Variants in ZNF730 observed in about 807,000 individuals in gnomAD.
The protein encoded by ZNF730 is putative zinc finger protein 730.
A neutral mutation model predicts 12.6 loss-of-function variants in ZNF730; 12 were observed. That is an observed-to-expected ratio of 0.95 (90% CI 0.61 to 1.54). The LOEUF is 1.54. Ranked by LOEUF, ZNF730 falls within the 40% of genes most tolerant of loss-of-function variation. ZNF730 has a pLI of 0.00. For missense variants in ZNF730, 643 were observed against 583.5 expected (o/e 1.10, Z -1.05); for synonymous variants, 194 against 195.8 (o/e 0.99, Z 0.08).
chr19:23,145,424 A>G lies in ZNF730; in HGVS notation c.380A>G (p.Lys127Arg), dbSNP rs770795427. Residue 127 changes from lysine to arginine, a missense_variant, in exon 4 of 4, where the codon AAA becomes AGA. Transcript: ENST00000597761. ...AATGTGGATGAGTTTAAGATGCACA[A>G]AAAAGGTTATAATAGACATAACCAG... ...CKNVDEFKMH[K>R]KGYNRHNQCL... is the part of the protein sequence containing the mutation. The G allele has an allele frequency of 1.1e-5, 17 of 1,583,818 alleles. No individual in the cohort carries two copies. The African/African-American group carries it at 1.8e-4, about 16-fold the overall frequency.
At chr19:23,112,734 A>AG (rs1424806353), upstream of ZNF730, among the ~76,000 whole-genome samples, 1 of 96,698 alleles carries the variant, frequency 1.0e-5, no homozygotes, top group Non-Finnish European at 2.4e-5. Flanking sequence ...AAAAAATAGA[A>AG]GAAAAAAAAA....
At chr19:23,127,677 G>A in intron 1 of ZNF730, 2 of 1,234,386 alleles carry the variant, frequency 1.6e-6, no homozygotes, top group Non-Finnish European at 2.4e-6. Context: ...CGCTCACTAA[G>A]AGCATCAGAA....
chr19:23,132,673 A>C (rs1177296462), intron 1 of ZNF730, among the ~76,000 whole-genome samples: 1 of 152,132 alleles, frequency 6.6e-6, no homozygotes, highest in Non-Finnish European at 1.5e-5. Context: ...TCTTAGTAAA[A>C]ATAAAGACCA....
chr19:23,098,182 G>A (rs1391508811), intron 1 of ZNF730, among the ~76,000 whole-genome samples: 3 of 151,824 alleles, frequency 2.0e-5, no homozygotes, highest in African/African-American at 7.3e-5. Flanking sequence ...ATGTATCACT[G>A]GGACTGACAC....
At chr19:23,096,395 A>G (rs757694375) in intron 1 of ZNF730, among the ~76,000 whole-genome samples, 3 of 152,074 alleles carry the variant, frequency 2.0e-5, no homozygotes, top group Non-Finnish European at 2.9e-5. Flanking sequence ...ACTCTCCTAC[A>G]TGGGCCCCCA....
In ZNF730 at chr19:23,146,705, A is replaced by G. The variant is rs559533780; in HGVS notation, c.*149A>G. ...AATCTTACTAAACATAAGGTAATTCATACTGGAGAAAAACCTACAAATGTG... is the reference window on the plus strand; with the variant it reads ...AATCTTACTAAACATAAGGTAATTCGTACTGGAGAAAAACCTACAAATGTG... On this transcript the variant is annotated 3_prime_UTR_variant, in exon 4 of 4. Transcript: ENST00000597761. 2 of 1,412,158 alleles carry G rather than the reference A, an allele frequency of 1.4e-6. No homozygotes were observed. The highest frequency in any genetic ancestry group is 2.8e-5 in the African/African-American group (2 of 70,832). The allele number at this position is 1,412,158 out of a possible 1,614,324, so 87.5% of individuals were successfully genotyped here. A position where few individuals can be genotyped will look rare whatever the true frequency, so the allele number is the denominator to read the frequency against.
intron 1 of ZNF730, among the ~76,000 whole-genome samples, chr19:23,092,443 G>T (rs1316314308): frequency 6.6e-6 from 1 of 152,020 alleles, no homozygotes; most frequent in Non-Finnish European, 1.5e-5. Flanking sequence ...AAAAAAATTA[G>T]CTGGGCATGG....
intron 1 of ZNF730, among the ~76,000 whole-genome samples, chr19:23,133,087 AT>A (rs1555715822): frequency 6.6e-6 from 1 of 152,152 alleles, no homozygotes; most frequent in Non-Finnish European, 1.5e-5. Flanking sequence ...GGAGTTAATT[AT>A]TTTTCTCTTC....
At chr19:23,131,611 T>C (rs1970743516) in intron 1 of ZNF730, among the ~76,000 whole-genome samples, 1 of 152,252 alleles carries the variant, frequency 6.6e-6, no homozygotes, top group Non-Finnish European at 1.5e-5. Flanking sequence ...CAAAAGTGTT[T>C]GTATTGTCAC....
At chr19:23,084,055 A>G (rs1970014648) in intron 1 of ZNF730, among the ~76,000 whole-genome samples, 1 of 152,066 alleles carries the variant, frequency 6.6e-6, no homozygotes, top group African/African-American at 2.4e-5. Context: ...AGTTTGTGGT[A>G]TTACATTTGA....
intron 1 of ZNF730, among the ~76,000 whole-genome samples, chr19:23,092,925 G>C (rs996758521): frequency 1.3e-5 from 2 of 152,168 alleles, no homozygotes; most frequent in African/African-American, 2.4e-5. Flanking sequence ...GTTTTGGTGT[G>C]AAGATTGTCC....
chr19:23,108,069 T>C (rs1434062954), intron 1 of ZNF730, among the ~76,000 whole-genome samples: 1 of 152,158 alleles, frequency 6.6e-6, no homozygotes, highest in East Asian at 1.9e-4. Context: ...GCAAGGTTGG[T>C]TCAGTGAAGA....
intron 1 of ZNF730, among the ~76,000 whole-genome samples, chr19:23,078,250 TA>T (rs10707417): frequency 0.054 from 8,182 of 152,020 alleles, 255 homozygotes; most frequent in Middle Eastern, 0.088. Flanking sequence ...CATGTGTCTT[TA>T]TAGTAGAATA....
chr19:23,129,925 C>T (rs1429382458), intron 1 of ZNF730, among the ~76,000 whole-genome samples: 4 of 147,324 alleles, frequency 2.7e-5, no homozygotes, highest in Non-Finnish European at 5.9e-5. Flanking sequence ...ACCCGGAAGG[C>T]AGAGCTTGCA....
At chr19:23,077,630 T>C (rs2145423855) in intron 1 of ZNF730, among the ~76,000 whole-genome samples, 1 of 151,668 alleles carries the variant, frequency 6.6e-6, no homozygotes, top group East Asian at 2.0e-4. Flanking sequence ...TTAGTAGAGA[T>C]AGGGCTTCAT....
At chr19:23,104,647 A>G (rs1970371282) in intron 1 of ZNF730, among the ~76,000 whole-genome samples, 1 of 152,100 alleles carries the variant, frequency 6.6e-6, no homozygotes, top group African/African-American at 2.4e-5. Context: ...ATAAGAATCC[A>G]TTTTCTTTAG....
At chr19:23,084,985 G>T (rs972455158) in intron 1 of ZNF730, among the ~76,000 whole-genome samples, 39 of 152,130 alleles carry the variant, frequency 2.6e-4, no homozygotes, top group African/African-American at 9.4e-4. Context: ...ACCCAGTAAT[G>T]AAATTACTGG....
chr19:23,080,468 C>T (rs773615048), intron 1 of ZNF730, among the ~76,000 whole-genome samples: 43 of 151,740 alleles, frequency 2.8e-4, no homozygotes, highest in Non-Finnish European at 5.0e-4. Flanking sequence ...CTTTGCCTCC[C>T]GACTTCAAGT....
chr19:23,090,075 G>C (rs1970130725), intron 1 of ZNF730, among the ~76,000 whole-genome samples: 2 of 152,104 alleles, frequency 1.3e-5, no homozygotes, highest in African/African-American at 4.8e-5. Flanking sequence ...GTGAAACCCT[G>C]TCTCTACTAA....
Sources: gnomAD v4.1 joint callset for allele counts (sites outside exome capture counted in the v4.1 genomes callset) on GRCh38, gnomAD v4.1.1 for gene constraint, MANE v1.5 for transcripts, NCBI Gene and HGNC (gene_info 2026-07-23, HGNC 2026-07-21) for gene names.